IQCE: variants seen among roughly 807,000 people sequenced by gnomAD.
IQCE encodes the protein IQ motif containing E.
IQCE carries 115 observed loss-of-function variants against 96.0 expected under a neutral mutation model. The ratio of observed to expected loss-of-function variants is 1.20; its 90% CI spans 1.03 to 1.40. The LOEUF (loss-of-function observed/expected upper bound fraction) is 1.40, where lower values mean the gene tolerates loss of function less well. Among genes scored for constraint, IQCE ranks in the 40% most tolerant of loss-of-function variants. IQCE has a pLI of 0.00. For missense variants in IQCE, 1,041 were observed against 909.1 expected (o/e 1.15, Z -1.87); for synonymous variants, 412 against 371.2 (o/e 1.11, Z -1.26).
chr7:2,572,435 A>C (rs1233955933), intron 5 of IQCE, 109 bp downstream of exon 5: 1 of 1,222,820 alleles, frequency 8.2e-7, no homozygotes, highest in African/African-American at 1.5e-5. Context: ...GGCTTCGTGC[A>C]TGAGCTCCGT....
At chr7:2,575,912 G>A (rs1782089269) in intron 6 of IQCE, among the ~76,000 whole-genome samples, 1 of 152,192 alleles carries the variant, frequency 6.6e-6, no homozygotes, top group Non-Finnish European at 1.5e-5. Context: ...TACACATGGA[G>A]CGCAGGTGTT....
intron 1 of IQCE, among the ~76,000 whole-genome samples, chr7:2,565,753 T>C (rs1444956674): frequency 2.0e-5 from 3 of 152,242 alleles, no homozygotes; most frequent in Non-Finnish European, 4.4e-5. Flanking sequence ...AATTGTCATA[T>C]GCTGTTTATG....
Position 2,572,240 on chromosome 7 carries a change from G to A in IQCE, c.308G>A (p.Trp103Ter). Reference sequence around the variant, plus strand: ...TCACCCCTCACCTGGGAGCATGCGTGGACTGGCGTCCCCGGCGGCACTCCT... The same window carrying A: ...TCACCCCTCACCTGGGAGCATGCGTAGACTGGCGTCCCCGGCGGCACTCCT... ...LNSPLTWEHAWTGVPGGTPDC... is the reference protein window; with the variant it reads ...LNSPLTWEHA The change falls in exon 5 of 22, where the codon TGG becomes TAG. Residue 103 changes from tryptophan (W) to a stop codon, truncating the protein, a stop_gained. Transcript: ENST00000402050. LOFTEE classifies it high-confidence loss of function. 6.2e-7 allele frequency: 1 copy of A among 1,614,142 alleles called. No individual in the cohort carries two copies. Among genetic ancestry groups the A allele is most frequent in the Non-Finnish European group, 8.5e-7 (1 of 1,179,990 alleles).
chr7:2,597,451 GT>G (rs1784129991), intron 16 of IQCE, among the ~76,000 whole-genome samples: 1 of 152,272 alleles, frequency 6.6e-6, no homozygotes. Flanking sequence ...AGAGCAAGCC[GT>G]TCTGTGTTTG....
At chr7:2,592,538 C>T (rs760302726) in intron 14 of IQCE, among the ~76,000 whole-genome samples, 8 of 152,190 alleles carry the variant, frequency 5.3e-5, no homozygotes, top group African/African-American at 1.4e-4. Context: ...ATCTGAGACT[C>T]GGACAGAAGT....
At chr7:2,607,624 C>A in intron 21 of IQCE, 1 of 1,034,890 alleles carries the variant, frequency 9.7e-7, no homozygotes, top group Non-Finnish European at 1.2e-6. Flanking sequence ...GGATGCCACA[C>A]CCTGGTGTGA....
intron 9 of IQCE, among the ~76,000 whole-genome samples, chr7:2,583,079 A>T (rs919402121): frequency 6.6e-6 from 1 of 152,160 alleles, no homozygotes; most frequent in Non-Finnish European, 1.5e-5. Flanking sequence ...TCCTGTTCGT[A>T]CAATAGTTCC....
intron 5 of IQCE, chr7:2,572,892 G>GC: frequency 2.7e-6 from 1 of 367,566 alleles, no homozygotes; most frequent in Non-Finnish European, 5.3e-6. Flanking sequence ...AGGAAGAACA[G>GC]CCTCCAGGGT....
Position 2,597,944 on chromosome 7 carries a change from A to G in IQCE, c.1441-521A>G, listed in dbSNP as rs60665545. ...TGGCCCCCCACATTGTTGGGATTAC[A>G]AGCATGAGCCACTGCGCCCAGCCTG... On this transcript the variant is annotated intron_variant, in intron 16 of 21. Coordinates refer to ENST00000402050, the MANE Select transcript of IQCE (RefSeq NM_152558.5). Among the ~76,000 whole-genome samples, 1,423 of 152,316 alleles carry G rather than the reference A, an allele frequency of 9.3e-3. 22 individuals carry two copies. Among genetic ancestry groups the G allele is most frequent in the African/African-American group, 0.032 (1,333 of 41,566 alleles).
rs776328027 is a variant in IQCE, at chr7:2,607,399, GGGCCCCGCCTT to G, written c.1969+178_1969+188del. ...CCTTATGCCAGGAAGGCCCACAACA[GGGCCCCGCCTT>G]GGCCCAGCTTGTCCTTTGTGCCTGG... On this transcript the variant is annotated intron_variant, in intron 21 of 21. Coordinates refer to ENST00000402050, the MANE Select transcript of IQCE (RefSeq NM_152558.5). The G allele has an allele frequency of 4.4e-6, 6 of 1,371,070 alleles. No homozygotes were observed. In the African/African-American group the frequency reaches 9.1e-5, roughly 21 times the overall value. 84.9% of individuals were successfully genotyped at this position (1,371,070 alleles called of 1,614,324 possible). A position where few individuals can be genotyped will look rare whatever the true frequency, so the allele number is the denominator to read the frequency against.
chr7:2,595,459 G>A (rs1054372122), intron 16 of IQCE, among the ~76,000 whole-genome samples: 11 of 152,306 alleles, frequency 7.2e-5, no homozygotes, highest in South Asian at 2.1e-4. Flanking sequence ...AGCTGTGCAC[G>A]GGTTGAACGT....
chr7:2,589,781 C>G, intron 13 of IQCE, 126 bp from the exon 14 acceptor site: 1 of 886,194 alleles, frequency 1.1e-6, no homozygotes, highest in Non-Finnish European at 1.8e-6. Context: ...CTCGGGTCCC[C>G]TCAAAGCTTT....
At chr7:2,562,571 A>G (rs1193640984) in intron 1 of IQCE, among the ~76,000 whole-genome samples, 5 of 147,664 alleles carry the variant, frequency 3.4e-5, no homozygotes, top group Non-Finnish European at 1.5e-5. Flanking sequence ...CTTTACTTCT[A>G]TAAGGTCAGT....
chr7:2,590,977 A>G lies in IQCE; in HGVS notation c.1244+871A>G, dbSNP rs1343718113. ...AATAAAGCATAAATGCTCCAGCCTG[A>G]CGCAGTGGCTCACGCCTGTAATCCC... On this transcript the variant is annotated intron_variant, in intron 14 of 21. Coordinates refer to ENST00000402050, the MANE Select transcript of IQCE (RefSeq NM_152558.5). 2.0e-5 allele frequency among the ~76,000 whole-genome samples: 3 copies of G among 148,754 alleles called. 1 individual carries two copies. In the East Asian group the frequency reaches 6.2e-4, roughly 31 times the overall value.
chr7:2,600,415 C>T (rs750148802), intron 17 of IQCE, among the ~76,000 whole-genome samples: 23 of 152,198 alleles, frequency 1.5e-4, no homozygotes, highest in Non-Finnish European at 2.1e-4. Context: ...GGTAACTGGC[C>T]GGCAGTCTAC....
intron 6 of IQCE, 41 bp downstream of exon 6, chr7:2,573,529 A>T: frequency 9.3e-7 from 1 of 1,075,938 alleles, no homozygotes; most frequent in Non-Finnish European, 1.4e-6. Context: ...GAAACGGTGA[A>T]AGCTTCCTAT....
At chr7:2,581,982 G>T in intron 8 of IQCE, 1 of 446,714 alleles carries the variant, frequency 2.2e-6, no homozygotes, top group South Asian at 1.7e-5. Context: ...AAAGTGCTGG[G>T]ATTACAGGCG....
rs200882954 is a variant in IQCE at position 2,610,877 on chromosome 7, C to G, written c.*715C>G. 8.7e-6 allele frequency: 1 copy of G among 114,786 alleles called. No individual in the cohort carries two copies. The highest frequency in any genetic ancestry group is 1.9e-5 in the Non-Finnish European group (1 of 51,446). The allele number at this position is 114,786 out of a possible 1,614,324, so 7.1% of individuals were successfully genotyped here. A position where few individuals can be genotyped will look rare whatever the true frequency, so the allele number is the denominator to read the frequency against. ...CAAGATTTTTTAAAATTCCCAATTACAAAAGCAGCATCACACTTGCTTCTG... is the reference window on the plus strand; with the variant it reads ...CAAGATTTTTTAAAATTCCCAATTAGAAAAGCAGCATCACACTTGCTTCTG... On this transcript the variant is annotated 3_prime_UTR_variant, in exon 22 of 22. Coordinates refer to ENST00000402050, the MANE Select transcript of IQCE (RefSeq NM_152558.5).
chr7:2,559,769 G>GGGGT (rs1780788751), intron 1 of IQCE, among the ~76,000 whole-genome samples: 1 of 36,028 alleles, frequency 2.8e-5, no homozygotes, highest in Non-Finnish European at 4.7e-5. Context: ...TTCCAGTGGG[G>GGGGT]GGGGGGGGGG....
Sources: gnomAD v4.1 joint callset for allele counts (sites outside exome capture counted in the v4.1 genomes callset) on GRCh38, gnomAD v4.1.1 for gene constraint, MANE v1.5 for transcripts, NCBI Gene and HGNC (gene_info 2026-07-23, HGNC 2026-07-21) for gene names.